The following SFI1 variants were observed in gnomAD, a reference collection of about 807,000 sequenced individuals.
SFI1 encodes SFI1 centrin binding protein, also known as protein SFI1 homolog.
A neutral mutation model predicts 207.5 loss-of-function variants in SFI1; 195 were observed. That is an observed-to-expected ratio of 0.94 (90% confidence interval 0.84 to 1.06). The LOEUF (loss-of-function observed/expected upper bound fraction) is 1.06, where lower values mean the gene tolerates loss of function less well. Among genes scored for constraint, SFI1 ranks in the 50% least tolerant of loss-of-function variants. The pLI is 0.00. For synonymous variants in SFI1, 630 were observed against 598.9 expected (o/e 1.05, Z -0.76); for missense variants, 1,634 against 1,588.0 (o/e 1.03, Z -0.49).
chr22:31,514,432 T>TA (rs1402239118), intron 2 of SFI1, among the ~76,000 whole-genome samples: 1 of 139,158 alleles, frequency 7.2e-6, no homozygotes, highest in Non-Finnish European at 1.5e-5. Context: ...GGCGTGGACC[T>TA]AGGAGGTGGA....
At chr22:31,614,546 C>G in intron 27 of SFI1, 1 of 684,794 alleles carries the variant, frequency 1.5e-6, no homozygotes, top group Non-Finnish European at 2.7e-6. Flanking sequence ...ACACCAGCGT[C>G]ACCAGGGTTG....
Position 31,613,596 on chromosome 22 carries a change from T to C in SFI1, c.2743-6T>C. The C allele has an allele frequency of 6.3e-7, 1 of 1,579,458 alleles. No individual in the cohort carries two copies. The highest frequency in any genetic ancestry group is 8.6e-7 in the Non-Finnish European group (1 of 1,160,416). ...TGGCATGAGCTGACCAGAGGCTGTG[T>C]TGTAGGCGGCTCACAGTCTCCATCG... On this transcript the variant is annotated splice_region_variant and splice_polypyrimidine_tract_variant and intron_variant, in intron 26 of 32. Coordinates refer to ENST00000400288, the MANE Select transcript of SFI1 (RefSeq NM_001007467.3).
intron 2 of SFI1, among the ~76,000 whole-genome samples, chr22:31,519,831 T>G (rs2413056): frequency 6.6e-6 from 1 of 152,014 alleles, no homozygotes; most frequent in Non-Finnish European, 1.5e-5. Flanking sequence ...CTTGGCCTCC[T>G]GTAGTGCTGG....
chr22:31,583,782 T>C (rs2064658095), intron 12 of SFI1, 93 bp from the exon 13 acceptor site: 2 of 1,100,202 alleles, frequency 1.8e-6, no homozygotes, highest in Admixed American at 3.4e-5. Flanking sequence ...AGGTCATTTC[T>C]GCTTTGGGGG....
chr22:31,523,458 T>A (rs1484241503), intron 2 of SFI1, among the ~76,000 whole-genome samples: 1 of 152,212 alleles, frequency 6.6e-6, no homozygotes, highest in African/African-American at 2.4e-5. Context: ...ATATGTATTG[T>A]GGTTCCATAA....
intron 6 of SFI1, among the ~76,000 whole-genome samples, chr22:31,551,162 T>C: frequency 6.6e-6 from 1 of 152,216 alleles, no homozygotes; most frequent in East Asian, 1.9e-4. Flanking sequence ...ATTTATTTTT[T>C]CGTGCTTCTC....
intron 14 of SFI1, among the ~76,000 whole-genome samples, chr22:31,589,176 AAG>A (rs994911602): frequency 6.8e-6 from 1 of 147,360 alleles, no homozygotes; most frequent in Non-Finnish European, 1.5e-5. Flanking sequence ...AGCCAGGGGG[AAG>A]AGAGAGTGAG....
intron 29 of SFI1, chr22:31,615,651 TC>T (rs1367454431): frequency 1.0e-5 from 2 of 191,568 alleles, no homozygotes; most frequent in African/African-American, 4.7e-5. Context: ...ATGTCAGGTT[TC>T]TGTGCAGGCT....
At chr22:31,577,695 C>T (rs1356080610) in intron 10 of SFI1, among the ~76,000 whole-genome samples, 4 of 152,108 alleles carry the variant, frequency 2.6e-5, no homozygotes, top group Non-Finnish European at 4.4e-5. Flanking sequence ...GGCACCCTTG[C>T]CCTACAGCCT....
At chr22:31,617,742 G>A (rs2071963674) in intron 31 of SFI1, among the ~76,000 whole-genome samples, 1 of 151,852 alleles carries the variant, frequency 6.6e-6, no homozygotes, top group East Asian at 1.9e-4. Flanking sequence ...AAAATGCAGA[G>A]GAGACAGGCC....
chr22:31,507,297 A>G (rs948678032), intron 1 of SFI1, among the ~76,000 whole-genome samples: 1 of 152,208 alleles, frequency 6.6e-6, no homozygotes, highest in African/African-American at 2.4e-5. Context: ...AGAACTGGCT[A>G]GCCATATTCA....
chr22:31,555,219 G>C (rs971985366), intron 6 of SFI1, among the ~76,000 whole-genome samples: 3 of 152,098 alleles, frequency 2.0e-5, no homozygotes, highest in African/African-American at 7.2e-5. Flanking sequence ...TATAGGCGGT[G>C]GCTCACGCCT....
At position 31,616,811 on chromosome 22, in the gene SFI1, G is replaced by A. The variant is rs767838494; in HGVS notation, c.3367G>A (p.Asp1123Asn). 1 of 1,612,486 alleles carries A rather than the reference G, an allele frequency of 6.2e-7. No homozygotes were observed. Among genetic ancestry groups the A allele is most frequent in the South Asian group, 1.1e-5 (1 of 90,778 alleles). ...PVPSSLASVP[D>N]PHLLLPGDFS... ...CCCCTCATCCCTGGCCAGTGTCCCT[G>A]ACCCCCATCTACTCCTTCCTGGGGA... The change falls in exon 30 of 33, where the codon GAC becomes AAC. Residue 1123 changes from aspartate to asparagine, a missense_variant. Asp to Asn is a conservative substitution (Grantham distance 23). Transcript: ENST00000400288.
intron 12 of SFI1, among the ~76,000 whole-genome samples, chr22:31,581,779 T>C (rs531357328): frequency 6.6e-6 from 1 of 152,262 alleles, no homozygotes; most frequent in South Asian, 2.1e-4. Context: ...GAAAAAAAAG[T>C]ATAATAAGCC....
chr22:31,535,796 G>A (rs191657732), intron 4 of SFI1, among the ~76,000 whole-genome samples: 5 of 151,960 alleles, frequency 3.3e-5, no homozygotes, highest in African/African-American at 9.7e-5. Flanking sequence ...CCCTGCAGTG[G>A]TGTGATCATA....
chr22:31,569,947 C>CA (rs71202099), intron 8 of SFI1, among the ~76,000 whole-genome samples: 5,923 of 131,212 alleles, frequency 0.045, 146 homozygotes, highest in East Asian at 0.069. Context: ...GAACCTATCT[C>CA]AAAAAAAAAA....
chr22:31,565,756 G>A (rs1556021315), intron 8 of SFI1, among the ~76,000 whole-genome samples: 1 of 152,066 alleles, frequency 6.6e-6, no homozygotes, highest in Non-Finnish European at 1.5e-5. Context: ...GGACATTTAT[G>A]AATGTTGTCA....
chr22:31,613,874 C>A lies in SFI1; in HGVS notation c.2996+19C>A. 6.4e-7 allele frequency: 1 copy of A among 1,574,430 alleles called. No individual in the cohort carries two copies. On this transcript the variant is annotated intron_variant, in intron 27 of 32. Transcript: ENST00000400288. ...TGGAGCTGTGAGTAGCCTGTGCTCACCTTGTCCTCGCTTCCACCCTGGGCA... is the reference window on the plus strand; with the variant it reads ...TGGAGCTGTGAGTAGCCTGTGCTCAACTTGTCCTCGCTTCCACCCTGGGCA...
chr22:31,530,500 A>AAAAAAC (rs2058405353), intron 3 of SFI1: 1 of 305,616 alleles, frequency 3.3e-6, no homozygotes, highest in Non-Finnish European at 6.6e-6. Context: ...AAAAAAAAAA[A>AAAAAAC]AAAAAAAAAA....
Sources: allele counts gnomAD v4.1 joint callset (sites outside exome capture counted in the v4.1 genomes callset), GRCh38; gene constraint gnomAD v4.1.1; transcripts MANE v1.5; gene names NCBI Gene and HGNC (gene_info 2026-07-23, HGNC 2026-07-21).